The following MSH3 variants were observed in gnomAD, a reference collection of about 807,000 sequenced individuals.
MSH3 encodes the protein mutS homolog 3.
Under a neutral mutation model 123.3 loss-of-function variants are expected in MSH3, and 106 were observed. The observed-to-expected ratio is 0.86, with a 90% CI of 0.73 to 1.01. MSH3 has a LOEUF of 1.01. MSH3 is among the 50% of genes least tolerant of loss of function. The pLI, the probability that MSH3 is intolerant of heterozygous loss-of-function variation, is 0.00. For missense variants in MSH3, 1,459 were observed against 1,347.6 expected, an observed-to-expected ratio of 1.08 and a Z score of -1.29; for synonymous variants, 515 against 481.4, an observed-to-expected ratio of 1.07 and a Z score of -0.91.
rs1580540783 is a variant in MSH3, at chr5:80,656,531, G to A, written c.358G>A (p.Glu120Lys). 1 of 1,614,094 alleles carries A rather than the reference G, an allele frequency of 6.2e-7. No individual in the cohort carries two copies. The highest frequency in any genetic ancestry group is 8.5e-7 in the Non-Finnish European group (1 of 1,179,978). Residue 120 changes from glutamate to lysine, a missense_variant and splice_region_variant, in exon 2 of 24, where the codon GAG becomes AAG. Physicochemically the swap from Glu to Lys is moderately conservative, Grantham distance 56. Transcript: ENST00000265081. ...TGATCTGGGAATGTCTGGCAACTCT[G>A]GTGAGTTGTGGGGGATTCTTTTTTC... ...GSDLGMSGNS[E>K]PKKCLRTRNV... is the part of the protein sequence containing the mutation.
At chr5:80,766,107 T>C (rs1744117424) in intron 13 of MSH3, among the ~76,000 whole-genome samples, 1 of 152,150 alleles carries the variant, frequency 6.6e-6, no homozygotes, top group African/African-American at 2.4e-5. Flanking sequence ...TGTAGTATCT[T>C]CTGTTTCATG....
chr5:80,773,681 C>T (rs550649321), intron 15 of MSH3, among the ~76,000 whole-genome samples: 1 of 152,298 alleles, frequency 6.6e-6, no homozygotes, highest in South Asian at 2.1e-4. Context: ...CTCAAGATGA[C>T]AACCACACAG....
intron 12 of MSH3, among the ~76,000 whole-genome samples, chr5:80,747,648 A>G (rs934866369): frequency 6.6e-6 from 1 of 152,194 alleles, no homozygotes; most frequent in Non-Finnish European, 1.5e-5. Flanking sequence ...TGGCTCAGCT[A>G]TATAATTAGT....
intron 8 of MSH3, among the ~76,000 whole-genome samples, chr5:80,692,036 G>T (rs1374821304): frequency 1.5e-5 from 1 of 67,126 alleles, no homozygotes. Context: ...TAAACAGTAT[G>T]TTTAGATAGA....
At chr5:80,706,122 A>C (rs572763315) in intron 8 of MSH3, among the ~76,000 whole-genome samples, 2 of 152,206 alleles carry the variant, frequency 1.3e-5, no homozygotes, top group African/African-American at 4.8e-5. Flanking sequence ...TGAACTCCAG[A>C]GTTAGTATGG....
At chr5:80,740,518 C>G (rs1743593014) in intron 10 of MSH3, among the ~76,000 whole-genome samples, 1 of 151,492 alleles carries the variant, frequency 6.6e-6, no homozygotes, top group Non-Finnish European at 1.5e-5. Context: ...CCACTACACC[C>G]ATCTAATTTT....
At chr5:80,830,408 G>A (rs561020781) in intron 20 of MSH3, among the ~76,000 whole-genome samples, 5 of 152,266 alleles carry the variant, frequency 3.3e-5, no homozygotes, top group African/African-American at 1.2e-4. Flanking sequence ...AGAAAAACAG[G>A]ATCAGAGAGA....
At chr5:80,864,996 C>T in intron 22 of MSH3, 54 bp downstream of exon 22, 1 of 1,570,022 alleles carries the variant, frequency 6.4e-7, no homozygotes, top group Non-Finnish European at 8.8e-7. Flanking sequence ...TTTGATAACT[C>T]AAAGTTTGTT....
intron 20 of MSH3, among the ~76,000 whole-genome samples, chr5:80,837,448 G>A (rs1376701402): frequency 6.6e-6 from 1 of 152,042 alleles, no homozygotes; most frequent in Non-Finnish European, 1.5e-5. Context: ...GCATGGTGGT[G>A]CACGCCTGTG....
At chr5:80,848,346 GTTGT>G (rs546474286) in intron 20 of MSH3, among the ~76,000 whole-genome samples, 104 of 152,276 alleles carry the variant, frequency 6.8e-4, no homozygotes, top group Middle Eastern at 3.4e-3. Context: ...TTGTTCTCCA[GTTGT>G]TTATTTCTTC....
intron 3 of MSH3, among the ~76,000 whole-genome samples, chr5:80,667,998 T>TC (rs1344436917): frequency 1.3e-5 from 2 of 151,378 alleles, no homozygotes; most frequent in East Asian, 3.9e-4. Context: ...TGTGGACGAG[T>TC]GGAGGGTGAG....
intron 20 of MSH3, among the ~76,000 whole-genome samples, chr5:80,825,359 A>T (rs1357274902): frequency 6.6e-6 from 1 of 152,132 alleles, no homozygotes; most frequent in East Asian, 1.9e-4. Context: ...AGTGTATCAC[A>T]CTATATTCTT....
intron 4 of MSH3, among the ~76,000 whole-genome samples, chr5:80,670,616 G>A (rs1749683334): frequency 2.0e-5 from 3 of 152,164 alleles, no homozygotes; most frequent in Admixed American, 2.0e-4. Flanking sequence ...CCGTAATCAT[G>A]TAAATATGTT....
chr5:80,767,875 A>G, intron 13 of MSH3, 58 bp from the exon 14 acceptor site: 1 of 1,358,976 alleles, frequency 7.4e-7, no homozygotes, highest in Non-Finnish European at 1.0e-6. Flanking sequence ...AAAGTCACTA[A>G]TTAAACTTCA....
At chr5:80,700,149 G>A (rs1326682545) in intron 8 of MSH3, among the ~76,000 whole-genome samples, 1 of 152,190 alleles carries the variant, frequency 6.6e-6, no homozygotes, top group African/African-American at 2.4e-5. Flanking sequence ...GGAGGCTGAG[G>A]CGGGTGGATC....
chr5:80,817,208 G>A (rs1365854996), intron 20 of MSH3, among the ~76,000 whole-genome samples: 2 of 152,208 alleles, frequency 1.3e-5, no homozygotes, highest in Admixed American at 6.5e-5. Flanking sequence ...TCATGGGAGC[G>A]AGGGGAAAGA....
In MSH3 at chr5:80,825,126, A is replaced by G. The variant is rs6151895; in HGVS notation, c.2813+11385A>G. Among the ~76,000 whole-genome samples the G allele has an allele frequency of 5.9e-3, 905 of 152,298 alleles. 7 individuals are homozygous for G. The highest frequency in any genetic ancestry group is 0.049 in the South Asian group (235 of 4,830). ...TTTTATGAAATAATTCAGACGTATA[A>G]TAATCCTCCATGCACCTTCTACCCT... On this transcript the variant is annotated intron_variant, in intron 20 of 23. Transcript: ENST00000265081.
At chr5:80,663,535 A>G (rs935434503) in intron 2 of MSH3, among the ~76,000 whole-genome samples, 16 of 146,864 alleles carry the variant, frequency 1.1e-4, no homozygotes, top group Admixed American at 3.4e-4. Context: ...TCTTCATCCC[A>G]CTTTCATTCC....
intron 14 of MSH3, 105 bp downstream of exon 14, chr5:80,768,225 T>C: frequency 9.6e-7 from 1 of 1,043,246 alleles, no homozygotes; most frequent in Non-Finnish European, 1.5e-6. Flanking sequence ...ATAATAGAAG[T>C]TGCATGAGTA....
Sources: gnomAD v4.1 joint callset for allele counts (sites outside exome capture counted in the v4.1 genomes callset) on GRCh38, gnomAD v4.1.1 for gene constraint, MANE v1.5 for transcripts, NCBI Gene and HGNC (gene_info 2026-07-23, HGNC 2026-07-21) for gene names.